The following CNTNAP4 variants were observed in gnomAD, a reference collection of about 807,000 sequenced individuals.
CNTNAP4 encodes contactin-associated protein-like 4.
In CNTNAP4, 98 loss-of-function variants were observed where a neutral mutation model predicts 148.4. That is an observed-to-expected ratio of 0.66 (90% confidence interval 0.56 to 0.78). The LOEUF (loss-of-function observed/expected upper bound fraction) is 0.78, where lower values mean the gene tolerates loss of function less well. Ranked by LOEUF, CNTNAP4 falls within the 30% of genes least tolerant of loss-of-function variation. The pLI is 0.00. For missense variants in CNTNAP4, 1,935 were observed against 1,565.6 expected (o/e 1.24, Z -3.98); for synonymous variants, 730 against 565.1 (o/e 1.29, Z -4.14).
chr16:76,327,942 A>G (rs374714137), intron 2 of CNTNAP4, among the ~76,000 whole-genome samples: 2 of 152,278 alleles, frequency 1.3e-5, no homozygotes, highest in East Asian at 1.9e-4. Context: ...CCTGCGTGCC[A>G]CATCTGTCCT....
intron 1 of CNTNAP4, among the ~76,000 whole-genome samples, chr16:76,289,272 C>T (rs577423162): frequency 6.6e-6 from 1 of 152,286 alleles, no homozygotes; most frequent in South Asian, 2.1e-4. Flanking sequence ...GAAAGTAGTA[C>T]TGAAAATTAC....
intron 3 of CNTNAP4, among the ~76,000 whole-genome samples, chr16:76,415,605 C>T (rs1440367891): frequency 6.7e-6 from 1 of 150,162 alleles, no homozygotes; most frequent in East Asian, 2.0e-4. Context: ...AAATAAAGTG[C>T]AGAAATTGAT....
At chr16:76,426,344 C>T (rs922353137) in intron 3 of CNTNAP4, among the ~76,000 whole-genome samples, 54 of 152,252 alleles carry the variant, frequency 3.5e-4, no homozygotes, top group African/African-American at 1.3e-3. Flanking sequence ...GTGCAGTCTA[C>T]ATGAGGTTGA....
intron 1 of CNTNAP4, among the ~76,000 whole-genome samples, chr16:76,287,391 A>C (rs1430687885): frequency 1.3e-5 from 2 of 152,196 alleles, no homozygotes; most frequent in Non-Finnish European, 2.9e-5. Flanking sequence ...TCATTTTTTT[A>C]ACCTGTTCTC....
intron 18 of CNTNAP4, among the ~76,000 whole-genome samples, chr16:76,536,287 C>T (rs2084208730): frequency 6.6e-6 from 1 of 152,084 alleles, no homozygotes; most frequent in Admixed American, 6.6e-5. Flanking sequence ...CCTCCACCTC[C>T]CAGGTTCAAG....
intron 23 of CNTNAP4, chr16:76,557,726 G>A (rs1333607589): frequency 6.6e-6 from 1 of 151,968 alleles, no homozygotes. Flanking sequence ...TACCAAATTT[G>A]GTTCCGTATT....
chr16:76,368,356 C>T (rs921428835), intron 3 of CNTNAP4, among the ~76,000 whole-genome samples: 4 of 152,146 alleles, frequency 2.6e-5, no homozygotes, highest in Non-Finnish European at 4.4e-5. Context: ...AGTTATTCTA[C>T]TATAAAGATA....
At chr16:76,368,340 A>G (rs544550612) in intron 3 of CNTNAP4, among the ~76,000 whole-genome samples, 2 of 152,356 alleles carry the variant, frequency 1.3e-5, no homozygotes, top group East Asian at 3.9e-4. Context: ...ACTGAAAAGG[A>G]TTATAAGTTA....
intron 3 of CNTNAP4, among the ~76,000 whole-genome samples, chr16:76,424,567 A>G (rs2079311934): frequency 6.6e-6 from 1 of 152,212 alleles, no homozygotes; most frequent in African/African-American, 2.4e-5. Flanking sequence ...CAGCCTGGCC[A>G]ACATGGTAAA....
intron 8 of CNTNAP4, among the ~76,000 whole-genome samples, chr16:76,458,238 A>G (rs986627559): frequency 3.9e-5 from 6 of 152,226 alleles, no homozygotes; most frequent in Admixed American, 6.5e-5. Flanking sequence ...TGCTATTGTA[A>G]ATAATACTAC....
intron 21 of CNTNAP4, among the ~76,000 whole-genome samples, chr16:76,543,808 C>T (rs972448713): frequency 2.0e-5 from 3 of 152,178 alleles, no homozygotes; most frequent in Non-Finnish European, 4.4e-5. Context: ...TTTCAGAGCC[C>T]AGCAGTGGGG....
intron 21 of CNTNAP4, among the ~76,000 whole-genome samples, chr16:76,545,825 C>G (rs2084698394): frequency 6.6e-6 from 1 of 152,260 alleles, no homozygotes; most frequent in African/African-American, 2.4e-5. Flanking sequence ...ATCACGACGT[C>G]AGGAGATTGA....
At chr16:76,518,215 C>T (rs1025177426) in intron 15 of CNTNAP4, among the ~76,000 whole-genome samples, 2 of 152,070 alleles carry the variant, frequency 1.3e-5, no homozygotes, top group Non-Finnish European at 2.9e-5. Flanking sequence ...GCAACCTCAG[C>T]CTCCCAGGCT....
chr16:76,281,140 A>T (rs978423201), intron 1 of CNTNAP4, among the ~76,000 whole-genome samples: 1 of 152,006 alleles, frequency 6.6e-6, no homozygotes, highest in African/African-American at 2.4e-5. Context: ...GTAGATGATC[A>T]CTCTTGTGGG....
intron 3 of CNTNAP4, among the ~76,000 whole-genome samples, chr16:76,422,443 G>A (rs1276569276): frequency 6.6e-6 from 1 of 152,140 alleles, no homozygotes; most frequent in African/African-American, 2.4e-5. Flanking sequence ...AGCTGGTGGA[G>A]CTGAGTCCCA....
chr16:76,321,645 C>T (rs543809577), intron 2 of CNTNAP4, among the ~76,000 whole-genome samples: 63 of 151,434 alleles, frequency 4.2e-4, no homozygotes, highest in South Asian at 1.7e-3. Context: ...AAAAATTAGC[C>T]GGGCGTGGTG....
At chr16:76,547,254 C>A (rs1435926204) in intron 21 of CNTNAP4, among the ~76,000 whole-genome samples, 1 of 152,128 alleles carries the variant, frequency 6.6e-6, no homozygotes, top group Non-Finnish European at 1.5e-5. Flanking sequence ...ATTACTGGAT[C>A]ACAATTCCAC....
At chr16:76,378,998 G>A (rs900461415) in intron 3 of CNTNAP4, among the ~76,000 whole-genome samples, 8 of 152,152 alleles carry the variant, frequency 5.3e-5, no homozygotes, top group African/African-American at 1.9e-4. Context: ...TGTGACTTCA[G>A]ACTCAAAATG....
At chr16:76,360,355 A>C (rs2013254126) in intron 3 of CNTNAP4, among the ~76,000 whole-genome samples, 1 of 152,222 alleles carries the variant, frequency 6.6e-6, no homozygotes, top group East Asian at 1.9e-4. Context: ...AAAGATTTCC[A>C]CATGCATTTG....
Sources: gnomAD v4.1 joint callset for allele counts (sites outside exome capture counted in the v4.1 genomes callset) on GRCh38, gnomAD v4.1.1 for gene constraint, MANE v1.5 for transcripts, NCBI Gene and HGNC (gene_info 2026-07-23, HGNC 2026-07-21) for gene names.